Variants in AHNAK observed in about 807,000 individuals in gnomAD.
AHNAK encodes neuroblast differentiation-associated protein AHNAK.
Under a neutral mutation model 37.8 loss-of-function variants are expected in AHNAK, and 23 were observed. The observed-to-expected ratio is 0.61, with a 90% confidence interval of 0.44 to 0.86. The LOEUF (loss-of-function observed/expected upper bound fraction) is 0.86. AHNAK is among the 40% of genes least tolerant of loss of function. The pLI, the probability that AHNAK is intolerant of heterozygous loss-of-function variation, is 0.00. For synonymous variants in AHNAK, 2,481 were observed against 2,636.3 expected (o/e 0.94, Z 1.80); for missense variants, 7,411 against 7,319.4 (o/e 1.01, Z -0.46).
chr11:62,470,244 G>T (rs1939005151), intron 5 of AHNAK, among the ~76,000 whole-genome samples: 1 of 152,186 alleles, frequency 6.6e-6, no homozygotes, highest in African/African-American at 2.4e-5. Flanking sequence ...TCAGGAGTTT[G>T]AGACCAGCCT....
rs760251861 is a variant in AHNAK at position 62,529,005 on chromosome 11, T to G, written c.5412A>C (p.Pro1804=). 6.2e-7 allele frequency: 1 copy of G among 1,614,196 alleles called. No individual in the cohort carries two copies. Residue 1804 remains proline (P), a synonymous_variant, in exon 5 of 5, where the codon CCA becomes CCC. Transcript: ENST00000378024. The part of the protein sequence containing the change: ...KLKGEIDASV[P]ELEGDLRGPQ... ...GCCCTCTGAGATCACCTTCCAGTTC[T>G]GGCACAGAAGCATCTATCTCTCCCT...
At position 62,528,593 on chromosome 11, in the gene AHNAK, C is replaced by T. The variant is rs1367042445; in HGVS notation, c.5824G>A (p.Val1942Met). 3.1e-6 allele frequency: 5 copies of T among 1,611,028 alleles called. No individual in the cohort carries two copies. Among genetic ancestry groups the T allele is most frequent in the South Asian group, 1.1e-5 (1 of 90,754 alleles). Residue 1942 changes from valine (V) to methionine (M), a missense_variant, in exon 5 of 5, where the codon GTG becomes ATG. Coordinates refer to ENST00000378024, the MANE Select transcript of AHNAK (RefSeq NM_001620.3). The stretch of plus-strand genomic sequence containing the variant: ...TCTCCCTCCAATTTTGGCACCGACA[C>T]ATCCACATCCCCTTTGACTTTGGGG... ...KGPKVKGDVD[V>M]SVPKLEGDLT... is the part of the protein sequence containing the mutation.
At chr11:62,439,383 A>G (rs1938250963) in intron 5 of AHNAK, among the ~76,000 whole-genome samples, 1 of 151,854 alleles carries the variant, frequency 6.6e-6, no homozygotes, top group South Asian at 2.1e-4. Context: ...GGCGTGAGCC[A>G]CCGCGCCTGG....
chr11:62,528,438 A>T lies in AHNAK; in HGVS notation c.5979T>A (p.Asp1993Glu), dbSNP rs765115161. The T allele has an allele frequency of 6.2e-6, 10 of 1,613,600 alleles. No individual in the cohort carries two copies. Among genetic ancestry groups the T allele is most frequent in the Non-Finnish European group, 8.5e-6 (10 of 1,179,932 alleles). The stretch of plus-strand genomic sequence containing the variant: ...TGGGGCCTTTCAGGTGTAAGTCCAC[A>T]TCAGGCATGGAGATCTTGGGGGTCT... ...HFKTPKISMPDVDLHLKGPKV... is the reference protein window; with the variant it reads ...HFKTPKISMPEVDLHLKGPKV... The change falls in exon 5 of 5, where the codon GAT (aspartate) becomes GAA (glutamate). Residue 1993 changes from aspartate (D) to glutamate (E), a missense_variant. By Grantham distance (45) the Asp-to-Glu change is conservative (BLOSUM62 2). Transcript: ENST00000378024.
At chr11:62,484,935 A>T (rs1939359524) in intron 5 of AHNAK, among the ~76,000 whole-genome samples, 1 of 152,058 alleles carries the variant, frequency 6.6e-6, no homozygotes, top group Admixed American at 6.6e-5. Flanking sequence ...GATTACAGGC[A>T]CGCGCCACCA....
chr11:62,485,726 T>C lies in AHNAK; in HGVS notation c.442+6006A>G, dbSNP rs1338544495. 1.1e-4 allele frequency among the ~76,000 whole-genome samples: 12 copies of C among 110,414 alleles called. No individual in the cohort carries two copies. In the East Asian group the frequency reaches 2.6e-3, roughly 24 times the overall value. The allele number at this position is 110,414 out of a possible 152,430, so 72.4% of individuals were successfully genotyped here. A position where few individuals can be genotyped will look rare whatever the true frequency, so the allele number is the denominator to read the frequency against. Reference sequence around the variant, plus strand: ...CAAAAAAAAAAAAAAAAAAAAAGAATAACAGAAGGCCGGGAGTGGTGGCTC... The same window carrying C: ...CAAAAAAAAAAAAAAAAAAAAAGAACAACAGAAGGCCGGGAGTGGTGGCTC... On this transcript the variant is annotated intron_variant, in intron 5 of 5. Transcript: ENST00000257247.
Position 62,528,798 on chromosome 11 carries a change from C to T in AHNAK, c.5619G>A (p.Ala1873=), listed in dbSNP as rs201110918. ...HLKGPKVKGD[A]DVSVPKLEGD... is the part of the protein sequence containing the mutation. Reference sequence around the variant, plus strand: ...CCTCCAATTTTGGCACCGACACATCCGCATCCCCTTTGACTTTGGGGCCTT... The same window carrying T: ...CCTCCAATTTTGGCACCGACACATCTGCATCCCCTTTGACTTTGGGGCCTT... The change falls in exon 5 of 5, where the codon GCG becomes GCA. Residue 1873 remains alanine, a synonymous_variant. Transcript: ENST00000378024. 28 of 1,612,620 alleles carry T rather than the reference C, an allele frequency of 1.7e-5. No homozygotes were observed. Among genetic ancestry groups the T allele is most frequent in the African/African-American group, 2.7e-5 (2 of 74,588 alleles).
chr11:62,532,171 A>C lies in AHNAK; in HGVS notation c.2246T>G (p.Met749Arg). ...DVHGPDWHLK[M>R]PKMKMPKFSV... The stretch of plus-strand genomic sequence containing the variant: ...GAATTTGGGCATTTTCATCTTGGGC[A>C]TCTTCAAGTGCCAGTCTGGGCCATG... The change falls in exon 5 of 5, where the codon ATG (methionine) becomes AGG (arginine). Residue 749 changes from methionine to arginine, a missense_variant. Physicochemically the swap from Met to Arg is moderately conservative, Grantham distance 91 (BLOSUM62 -1). Transcript: ENST00000378024. The C allele has an allele frequency of 4.3e-6, 7 of 1,614,090 alleles. No individual in the cohort carries two copies. Among genetic ancestry groups the C allele is most frequent in the Non-Finnish European group, 5.9e-6 (7 of 1,180,016 alleles).
At chr11:62,514,390 C>A (rs989829419), downstream of AHNAK, among the ~76,000 whole-genome samples, 1 of 152,178 alleles carries the variant, frequency 6.6e-6, no homozygotes. Context: ...CAGCCCCAGG[C>A]CCAGTTAGGA....
Position 62,531,309 on chromosome 11 carries a change from A to C in AHNAK, c.3108T>G (p.Thr1036=). ...CTTCAAGGCTCAGATCTGGAGCATT[A>C]GTATCTACTTTTGGTGCAGAAATGT... ...NVDISAPKVD[T]NAPDLSLEGP... The change falls in exon 5 of 5, where the codon ACT becomes ACG. Residue 1036 remains threonine, a synonymous_variant. Coordinates refer to ENST00000378024, the MANE Select transcript of AHNAK (RefSeq NM_001620.3). 6.2e-7 allele frequency: 1 copy of C among 1,613,666 alleles called. No homozygotes were observed. The highest frequency in any genetic ancestry group is 1.7e-5 in the Admixed American group (1 of 59,972).
chr11:62,502,848 G>GTGTGGCTGCAGAGGCCGGCT (rs1939737099), intron 4 of AHNAK, among the ~76,000 whole-genome samples: 1 of 152,166 alleles, frequency 6.6e-6, no homozygotes, highest in South Asian at 2.1e-4. Flanking sequence ...GAAGAGCTGA[G>GTGTGGCTGCAGAGGCCGGCT]TGTGGCTGCA....
intron 3 of AHNAK, 102 bp downstream of exon 3, chr11:62,535,843 G>C: frequency 1.4e-6 from 2 of 1,448,800 alleles, no homozygotes; most frequent in Non-Finnish European, 1.8e-6. Flanking sequence ...ATGGGCCCTC[G>C]ACAGCCACTC....
At chr11:62,471,226 C>G (rs1939028931) in intron 5 of AHNAK, among the ~76,000 whole-genome samples, 1 of 152,158 alleles carries the variant, frequency 6.6e-6, no homozygotes, top group African/African-American at 2.4e-5. Flanking sequence ...GGATTCTTTG[C>G]TGTGGGAGGC....
At chr11:62,446,637 T>C (rs1938427372) in intron 5 of AHNAK, among the ~76,000 whole-genome samples, 1 of 152,070 alleles carries the variant, frequency 6.6e-6, no homozygotes, top group Non-Finnish European at 1.5e-5. Context: ...GGGGGATCTG[T>C]CCTGGCCGGG....
intron 5 of AHNAK, among the ~76,000 whole-genome samples, chr11:62,440,797 T>C (rs1938289977): frequency 6.6e-6 from 1 of 152,026 alleles, no homozygotes; most frequent in African/African-American, 2.4e-5. Context: ...AGCCAAAATC[T>C]CCCAAGTTAT....
At position 62,524,591 on chromosome 11, in the gene AHNAK, A is replaced by G. The variant is rs776622518; in HGVS notation, c.9826T>C (p.Leu3276=). The G allele has an allele frequency of 1.9e-6, 3 of 1,613,756 alleles. No individual in the cohort carries two copies. Among genetic ancestry groups the G allele is most frequent in the Admixed American group, 1.7e-5 (1 of 59,928 alleles). ...DIDIHGPDAK[L]KGPKLKMPDM... is the part of the protein sequence containing the mutation. ...GGCATCTTCAGTTTTGGACCTTTTA[A>G]TTTGGCATCTGGGCCATGAATGTCA... is the stretch of plus-strand genomic sequence containing the variant. Residue 3276 remains leucine, a synonymous_variant, in exon 5 of 5, where the codon TTA becomes CTA. Transcript: ENST00000378024.
intron 5 of AHNAK, among the ~76,000 whole-genome samples, chr11:62,451,052 G>T (rs1181377900): frequency 6.8e-6 from 1 of 146,298 alleles, no homozygotes; most frequent in East Asian, 1.9e-4. Flanking sequence ...CTAGGCAGGG[G>T]GCAGGCTCAG....
chr11:62,521,315 G>A lies in AHNAK; in HGVS notation c.13102C>T (p.Leu4368Phe). 1.2e-6 allele frequency: 2 copies of A among 1,613,748 alleles called. No individual in the cohort carries two copies. Among genetic ancestry groups the A allele is most frequent in the Non-Finnish European group, 1.7e-6 (2 of 1,179,948 alleles). Residue 4368 changes from leucine to phenylalanine, a missense_variant, in exon 5 of 5, where the codon CTC (leucine) becomes TTC (phenylalanine). Physicochemically the swap from Leu to Phe is conservative, Grantham distance 22 (BLOSUM62 0). Transcript: ENST00000378024. ...DVSIEGPDAK[L>F]KGPKFKMPEM... ...GGCATCTTGAACTTTGGACCCTTGA[G>A]TTTTGCATCTGGACCTTCGATACTG...
rs761736875 is a variant in AHNAK at position 62,519,752 on chromosome 11, G to C, written c.14665C>G (p.Arg4889Gly). 1 of 1,613,256 alleles carries C rather than the reference G, an allele frequency of 6.2e-7. No homozygotes were observed. The highest frequency in any genetic ancestry group is 1.3e-5 in the African/African-American group (1 of 74,820). Residue 4889 changes from arginine to glycine, a missense_variant, in exon 5 of 5, where the codon CGT becomes GGT. Transcript: ENST00000378024. ...KGPEVDLKGP[R>G]LDFEGPDAKL... ...GCATCAGGGCCTTCGAAATCCAGAC[G>C]TGGACCTTTAAGATCTACTTCTGGG...
Sources: allele counts gnomAD v4.1 joint callset (sites outside exome capture counted in the v4.1 genomes callset), GRCh38; gene constraint gnomAD v4.1.1; transcripts MANE v1.5; gene names NCBI Gene and HGNC (gene_info 2026-07-23, HGNC 2026-07-21).